The following EIF3E variants were observed in gnomAD, a reference collection of about 807,000 sequenced individuals.
EIF3E encodes the protein eIF-3 p48.
A neutral mutation model predicts 59.3 loss-of-function variants in EIF3E; 25 were observed. The observed-to-expected ratio is 0.42, with a 90% CI of 0.31 to 0.59. EIF3E has a LOEUF of 0.59. EIF3E is among the 20% of genes least tolerant of loss of function. The probability of loss-of-function intolerance (pLI) is 0.15; values close to 1 mark genes in which losing one functional copy is unlikely to be tolerated. For synonymous variants in EIF3E, 176 were observed against 170.2 expected (o/e 1.03, Z -0.26); for missense variants, 317 against 534.3 (o/e 0.59, Z 4.01).
chr8:108,245,382 T>C (rs992531221), intron 1 of EIF3E, among the ~76,000 whole-genome samples: 3 of 152,116 alleles, frequency 2.0e-5, no homozygotes, highest in Admixed American at 6.5e-5. Context: ...GGTGGGAGAA[T>C]TGCTTGAGCC....
At chr8:108,237,740 A>G (rs1250232822) in intron 3 of EIF3E, among the ~76,000 whole-genome samples, 24 of 152,236 alleles carry the variant, frequency 1.6e-4, no homozygotes, top group Admixed American at 1.4e-3. Flanking sequence ...AAGAACTTCA[A>G]CAAAAACTGA....
chr8:108,226,640 T>C (rs1247403009), intron 7 of EIF3E, among the ~76,000 whole-genome samples: 1 of 152,206 alleles, frequency 6.6e-6, no homozygotes, highest in Non-Finnish European at 1.5e-5. Context: ...AGTGTATATC[T>C]ATCTAACTTT....
intron 7 of EIF3E, among the ~76,000 whole-genome samples, chr8:108,226,953 T>A (rs577443427): frequency 9.2e-5 from 14 of 152,332 alleles, no homozygotes; most frequent in Admixed American, 2.6e-4. Context: ...GAAACCATTT[T>A]CATTTCTACA....
chr8:108,248,036 G>C (rs1398892894), intron 1 of EIF3E, among the ~76,000 whole-genome samples: 1 of 126,640 alleles, frequency 7.9e-6, no homozygotes, highest in African/African-American at 3.0e-5. Flanking sequence ...GGGGGGGGGG[G>C]CGGGGGAGCG....
At position 108,228,351 on chromosome 8, in the gene EIF3E, C is replaced by T; in HGVS notation, c.638G>A (p.Trp213Ter). The change falls in exon 7 of 13, where the codon TGG becomes TAG. Residue 213 changes from tryptophan to a stop codon, truncating the protein, a stop_gained. Coordinates refer to ENST00000220849, the MANE Select transcript of EIF3E (RefSeq NM_001568.3). LOFTEE classifies it high-confidence loss of function. Reference protein sequence around the residue: ...SPLQSLQQRTWLIHWSLFVFF... With the variant: ...SPLQSLQQRT ...AACAAACAGAGACCAGTGAATGAGC[C>T]ATGTTCTCTGCTGAAGAGACTGAAG... 6.2e-7 allele frequency: 1 copy of T among 1,606,228 alleles called. No homozygotes were observed. The highest frequency in any genetic ancestry group is 8.5e-7 in the Non-Finnish European group (1 of 1,176,002).
Position 108,214,720 on chromosome 8 carries a change from T to C in EIF3E, c.952-4A>G, listed in dbSNP as rs749816227. ...AGAAGAAGTCATTCACAAGCACCTA[T>C]ATGTACAAATACAACAAAAATTAAT... On this transcript the variant is annotated splice_polypyrimidine_tract_variant and splice_region_variant and intron_variant, in intron 9 of 12. Transcript: ENST00000220849. 3.1e-6 allele frequency: 5 copies of C among 1,599,432 alleles called. No homozygotes were observed. Among genetic ancestry groups the C allele is most frequent in the Admixed American group, 1.9e-5 (1 of 53,804 alleles).
chr8:108,239,013 G>A (rs1815788053), intron 3 of EIF3E, among the ~76,000 whole-genome samples: 1 of 152,164 alleles, frequency 6.6e-6, no homozygotes, highest in Non-Finnish European at 1.5e-5. Flanking sequence ...TGTAGGTAAA[G>A]GGAAGTTAGG....
intron 7 of EIF3E, among the ~76,000 whole-genome samples, chr8:108,225,496 C>T (rs556469167): frequency 6.6e-6 from 1 of 151,498 alleles, no homozygotes; most frequent in East Asian, 1.9e-4. Context: ...AGATCCATTC[C>T]AAGTGCAAGA....
Position 108,203,131 on chromosome 8 carries a change from C to A in EIF3E, c.1165-14G>T. ...AACCACATGACCCTAAAAGGAAACA[C>A]AGGGAAATTGATCCTATAATGTTAA... On this transcript the variant is annotated splice_polypyrimidine_tract_variant and intron_variant, in intron 11 of 12. Transcript: ENST00000220849. 6.2e-7 allele frequency: 1 copy of A among 1,607,636 alleles called. No individual in the cohort carries two copies.
intron 4 of EIF3E, 93 bp downstream of exon 4, chr8:108,236,068 T>A: frequency 1.1e-6 from 1 of 943,860 alleles, no homozygotes; most frequent in Non-Finnish European, 1.5e-6. Context: ...GAAATTATAT[T>A]CTTAGGCCAA....
chr8:108,239,549 G>A (rs1815798123), intron 3 of EIF3E, among the ~76,000 whole-genome samples: 1 of 117,114 alleles, frequency 8.5e-6, no homozygotes, highest in South Asian at 2.8e-4. Context: ...CTTTGTTGGG[G>A]AGTAGCGGCA....
chr8:108,210,314 TGC>T (rs1815182404), intron 10 of EIF3E, among the ~76,000 whole-genome samples: 1 of 152,164 alleles, frequency 6.6e-6, no homozygotes, highest in Non-Finnish European at 1.5e-5. Flanking sequence ...TTCTCAAGCC[TGC>T]ATCACAGAGA....
chr8:108,222,632 C>T, intron 7 of EIF3E, among the ~76,000 whole-genome samples: 1 of 152,146 alleles, frequency 6.6e-6, no homozygotes, highest in Middle Eastern at 3.2e-3. Context: ...CTTCTCTGTC[C>T]AACCAAATTT....
intron 7 of EIF3E, among the ~76,000 whole-genome samples, chr8:108,219,867 G>A (rs1815373362): frequency 1.3e-5 from 2 of 152,148 alleles, no homozygotes. Context: ...TGTAGGCGGG[G>A]CATGGTGGCT....
At chr8:108,236,011 G>T (rs1464434111) in intron 4 of EIF3E, 150 bp downstream of exon 4, 2 of 566,266 alleles carry the variant, frequency 3.5e-6, no homozygotes, top group African/African-American at 2.0e-5. Flanking sequence ...TATAAACACT[G>T]AAGTTTTAAA....
chr8:108,211,499 T>C (rs1275680494), intron 10 of EIF3E, among the ~76,000 whole-genome samples: 1 of 152,240 alleles, frequency 6.6e-6, no homozygotes, highest in East Asian at 1.9e-4. Context: ...ATTAGCCCTT[T>C]GTCAGATGGG....
At chr8:108,233,691 A>T in intron 5 of EIF3E, 1 of 410,704 alleles carries the variant, frequency 2.4e-6, no homozygotes, top group Admixed American at 2.7e-5. Context: ...AAAAAAAATT[A>T]AAAATTAGCC....
chr8:108,240,708 G>A (rs1256849987), intron 2 of EIF3E, among the ~76,000 whole-genome samples: 1 of 152,184 alleles, frequency 6.6e-6, no homozygotes, highest in African/African-American at 2.4e-5. Flanking sequence ...TAGGCCAGGG[G>A]CAAGGGCGCA....
intron 12 of EIF3E, 22 bp downstream of exon 12, chr8:108,202,961 A>G (rs1815020851): frequency 1.1e-5 from 17 of 1,606,554 alleles, no homozygotes; most frequent in Non-Finnish European, 1.4e-5. Flanking sequence ...CCCAGACAGA[A>G]TAGAAGATGT....
Sources: gnomAD v4.1 joint callset for allele counts (sites outside exome capture counted in the v4.1 genomes callset) on GRCh38, gnomAD v4.1.1 for gene constraint, MANE v1.5 for transcripts, NCBI Gene and HGNC (gene_info 2026-07-23, HGNC 2026-07-21) for gene names.